PPP1R9A: variants seen among roughly 807,000 people sequenced by gnomAD.
The protein encoded by PPP1R9A is neurabin-1.
Under a neutral mutation model 141.9 loss-of-function variants are expected in PPP1R9A, and 59 were observed. The observed-to-expected ratio is 0.42, with a 90% confidence interval of 0.34 to 0.52. The LOEUF (loss-of-function observed/expected upper bound fraction) is 0.52. Ranked by LOEUF, PPP1R9A falls within the 20% of genes least tolerant of loss-of-function variation. The pLI, the probability that PPP1R9A is intolerant of heterozygous loss-of-function variation, is 0.10. For synonymous variants in PPP1R9A, 500 were observed against 569.7 expected (o/e 0.88, Z 1.74); for missense variants, 1,444 against 1,611.9 (o/e 0.90, Z 1.78).
chr7:95,206,213 A>G (rs1790755105), intron 7 of PPP1R9A, among the ~76,000 whole-genome samples: 1 of 152,188 alleles, frequency 6.6e-6, no homozygotes, highest in Non-Finnish European at 1.5e-5. Context: ...ACACATTTCC[A>G]TTTGCAATAA....
At chr7:95,226,305 G>A (rs1262448724) in intron 8 of PPP1R9A, among the ~76,000 whole-genome samples, 189 bp downstream of exon 8, 2 of 152,006 alleles carry the variant, frequency 1.3e-5, no homozygotes, top group East Asian at 3.9e-4. Context: ...TGATTTAAAC[G>A]CTTATTTGTC....
chr7:95,215,259 A>G (rs533854737), intron 7 of PPP1R9A, among the ~76,000 whole-genome samples: 33 of 151,900 alleles, frequency 2.2e-4, no homozygotes, highest in African/African-American at 7.2e-4. Flanking sequence ...ACTGAGAATG[A>G]TGGTTTCCAG....
At chr7:95,041,137 A>T (rs2151906502) in intron 2 of PPP1R9A, among the ~76,000 whole-genome samples, 1 of 152,308 alleles carries the variant, frequency 6.6e-6, no homozygotes, top group African/African-American at 2.4e-5. Flanking sequence ...GGGAAAGGGA[A>T]CAGGAGGGAA....
chr7:95,207,828 C>A (rs1158876865), intron 7 of PPP1R9A, among the ~76,000 whole-genome samples: 1 of 152,004 alleles, frequency 6.6e-6, no homozygotes, highest in Non-Finnish European at 1.5e-5. Flanking sequence ...AATATGTCTG[C>A]AAACCAGGAG....
At chr7:95,162,689 G>A (rs565239136) in intron 5 of PPP1R9A, among the ~76,000 whole-genome samples, 1 of 152,228 alleles carries the variant, frequency 6.6e-6, no homozygotes, top group East Asian at 1.9e-4. Context: ...TTTAGTATGT[G>A]TAATGATGAA....
At chr7:95,226,232 C>G (rs1195275700) in intron 8 of PPP1R9A, 116 bp downstream of exon 8, 8 of 1,071,478 alleles carry the variant, frequency 7.5e-6, no homozygotes, top group Non-Finnish European at 1.0e-5. Flanking sequence ...TTTTTAATAA[C>G]AGGTTGTCTT....
chr7:95,035,550 A>G (rs1438449743), intron 2 of PPP1R9A, among the ~76,000 whole-genome samples: 1 of 152,216 alleles, frequency 6.6e-6, no homozygotes, highest in Admixed American at 6.5e-5. Context: ...TTTGGAATCA[A>G]GAACCAAAAT....
intron 2 of PPP1R9A, among the ~76,000 whole-genome samples, chr7:94,964,047 T>C (rs1025288437): frequency 6.6e-6 from 1 of 152,196 alleles, no homozygotes; most frequent in Non-Finnish European, 1.5e-5. Context: ...TTGTTTATTG[T>C]GCGCCTGTGT....
chr7:95,114,276 A>C (rs2152457257), intron 3 of PPP1R9A, among the ~76,000 whole-genome samples: 1 of 152,320 alleles, frequency 6.6e-6, no homozygotes, highest in Middle Eastern at 3.4e-3. Context: ...AGAAGAAACC[A>C]TTTAGTGTAA....
chr7:95,151,064 T>A (rs905570909), intron 4 of PPP1R9A, among the ~76,000 whole-genome samples: 1 of 152,222 alleles, frequency 6.6e-6, no homozygotes, highest in Non-Finnish European at 1.5e-5. Context: ...CTAGTGGGAA[T>A]GCAAAATGGT....
chr7:94,928,614 G>C (rs1793768841), intron 2 of PPP1R9A, among the ~76,000 whole-genome samples: 1 of 152,154 alleles, frequency 6.6e-6, no homozygotes, highest in Non-Finnish European at 1.5e-5. Context: ...ACCACCTACA[G>C]TCATAGGCTG....
At chr7:95,106,657 G>A (rs1248566498) in intron 2 of PPP1R9A, among the ~76,000 whole-genome samples, 1 of 152,088 alleles carries the variant, frequency 6.6e-6, no homozygotes, top group Admixed American at 6.6e-5. Context: ...GTACACATTT[G>A]CAAGTATTTC....
At chr7:95,186,731 T>C (rs1834715337) in intron 5 of PPP1R9A, among the ~76,000 whole-genome samples, 1 of 152,128 alleles carries the variant, frequency 6.6e-6, no homozygotes, top group Non-Finnish European at 1.5e-5. Flanking sequence ...TGTAAAGGGA[T>C]GCTGGATTTT....
chr7:95,123,474 C>T (rs1030259420), intron 4 of PPP1R9A, among the ~76,000 whole-genome samples: 2 of 152,130 alleles, frequency 1.3e-5, no homozygotes, highest in African/African-American at 4.8e-5. Flanking sequence ...CATGGTGAAA[C>T]CCCATCTCTA....
At chr7:95,101,610 C>T (rs1417520608) in intron 2 of PPP1R9A, among the ~76,000 whole-genome samples, 2 of 152,272 alleles carry the variant, frequency 1.3e-5, no homozygotes, top group East Asian at 1.9e-4. Flanking sequence ...TTACATAGCC[C>T]CACCCCAAGG....
chr7:95,148,992 A>T (rs1412845745), intron 4 of PPP1R9A, among the ~76,000 whole-genome samples: 2 of 152,118 alleles, frequency 1.3e-5, no homozygotes, highest in Admixed American at 6.5e-5. Context: ...ATACAAATAT[A>T]TATCAGTAAA....
chr7:95,210,603 C>T (rs1197934148), intron 7 of PPP1R9A, among the ~76,000 whole-genome samples: 3 of 151,998 alleles, frequency 2.0e-5, no homozygotes, highest in African/African-American at 4.8e-5. Flanking sequence ...CTAGCTGGGA[C>T]TACAGGCACA....
intron 8 of PPP1R9A, among the ~76,000 whole-genome samples, chr7:95,246,994 T>C (rs886819458): frequency 1.1e-4 from 16 of 152,172 alleles, no homozygotes; most frequent in South Asian, 2.1e-4. Flanking sequence ...CTCTCTCCCT[T>C]TGCAGTGGAG....
At chr7:95,048,413 T>C (rs549501010) in intron 2 of PPP1R9A, among the ~76,000 whole-genome samples, 1 of 151,996 alleles carries the variant, frequency 6.6e-6, no homozygotes. Context: ...AATAGAAATA[T>C]TATTATAGCA....
Sources: gnomAD v4.1 joint callset for allele counts (sites outside exome capture counted in the v4.1 genomes callset) on GRCh38, gnomAD v4.1.1 for gene constraint, MANE v1.5 for transcripts, NCBI Gene and HGNC (gene_info 2026-07-23, HGNC 2026-07-21) for gene names.